Variants in SNAPC3 observed in about 807,000 individuals in gnomAD.
The protein encoded by SNAPC3 is small nuclear RNA activating complex polypeptide 3, also known as snRNA-activating protein complex subunit 3.
A neutral mutation model predicts 47.7 loss-of-function variants in SNAPC3; 56 were observed. The ratio of observed to expected loss-of-function variants is 1.18; its 90% CI spans 0.95 to 1.47. The LOEUF (loss-of-function observed/expected upper bound fraction) is 1.47, where lower values mean the gene tolerates loss of function less well. Among genes scored for constraint, SNAPC3 ranks in the 40% most tolerant of loss-of-function variants. The pLI is 0.00. For missense variants in SNAPC3, 665 were observed against 511.3 expected (o/e 1.30, Z -2.90); for synonymous variants, 235 against 189.9 (o/e 1.24, Z -1.95).
At position 15,433,533 on chromosome 9, in the gene SNAPC3, T is replaced by C; in HGVS notation, c.393-19T>C. 1 of 1,464,106 alleles carries C rather than the reference T, an allele frequency of 6.8e-7. No individual in the cohort carries two copies. The highest frequency in any genetic ancestry group is 1.2e-5 in the South Asian group (1 of 82,000). The allele number at this position is 1,464,106 out of a possible 1,614,324, so 90.7% of individuals were successfully genotyped here. A position where few individuals can be genotyped will look rare whatever the true frequency, so the allele number is the denominator to read the frequency against. ...AATGTTGAACTTTGATTTTTTTTTT[T>C]CTTTTACATCTACAACAGGGTTAGA... On this transcript the variant is annotated intron_variant, in intron 2 of 8. Transcript: ENST00000380821.
downstream of SNAPC3, chr9:15,465,242 A>G: frequency 5.4e-6 from 2 of 367,548 alleles, no homozygotes; most frequent in Non-Finnish European, 9.7e-6. Context: ...ACATACACAC[A>G]CTAATTGAAA....
At chr9:15,432,837 T>C (rs1167891357) in intron 2 of SNAPC3, among the ~76,000 whole-genome samples, 1 of 152,194 alleles carries the variant, frequency 6.6e-6, no homozygotes, top group Non-Finnish European at 1.5e-5. Flanking sequence ...GCAGACATAA[T>C]CTATCAGTGA....
intron 7 of SNAPC3, 78 bp downstream of exon 7, chr9:15,453,283 T>G (rs41268953): frequency 8.4e-7 from 1 of 1,189,868 alleles, no homozygotes; most frequent in Admixed American, 2.4e-5. Context: ...ATAGTTTTTT[T>G]AAAAATAAGA....
Position 15,428,381 on chromosome 9 carries a change from C to T in SNAPC3, c.392+4395C>T, listed in dbSNP as rs59521848. On this transcript the variant is annotated intron_variant, in intron 2 of 8. Transcript: ENST00000380821. ...AAGTCTAGCCGGTCGTGGTGGCGGG[C>T]GCCTGTAGTCCCAGCTACTTGGGAG... Among the ~76,000 whole-genome samples the T allele has an allele frequency of 6.7e-3, 1,010 of 151,660 alleles. 11 individuals are homozygous for T. Among genetic ancestry groups the T allele is most frequent in the African/African-American group, 0.023 (958 of 41,352 alleles).
At chr9:15,423,785 T>C in intron 1 of SNAPC3, 124 bp from the exon 2 acceptor site, 1 of 503,600 alleles carries the variant, frequency 2.0e-6, no homozygotes, top group South Asian at 4.0e-5. Flanking sequence ...CTGGCCTCTC[T>C]GAGCCGCCTG....
intron 5 of SNAPC3, among the ~76,000 whole-genome samples, chr9:15,449,256 A>G (rs2034179234): frequency 6.6e-6 from 1 of 152,086 alleles, no homozygotes; most frequent in Non-Finnish European, 1.5e-5. Context: ...CCATCTGAAC[A>G]TTGCTCAAAG....
chr9:15,453,421 A>T lies in SNAPC3; in HGVS notation c.980+216A>T, dbSNP rs184440853. 7 of 438,860 alleles carry T rather than the reference A, an allele frequency of 1.6e-5. No homozygotes were observed. In the East Asian group the frequency reaches 2.6e-4, roughly 16 times the overall value. The allele number at this position is 438,860 out of a possible 1,614,324, so 27.2% of individuals were successfully genotyped here. A position where few individuals can be genotyped will look rare whatever the true frequency, so the allele number is the denominator to read the frequency against. ...TGTTCATTATTTTGGAAAATCTTTA[A>T]GAAATACTTTACTATTAGACGGTTA... On this transcript the variant is annotated intron_variant, in intron 7 of 8. Transcript: ENST00000380821.
At chr9:15,429,452 C>G (rs144192642) in intron 2 of SNAPC3, among the ~76,000 whole-genome samples, 64 of 151,896 alleles carry the variant, frequency 4.2e-4, no homozygotes, top group Admixed American at 1.2e-3. Flanking sequence ...GGTATTGCAA[C>G]AAAGTACAGT....
Position 15,433,628 on chromosome 9 carries a change from T to C in SNAPC3, c.469T>C (p.Tyr157His), listed in dbSNP as rs1398243291. The change falls in exon 3 of 9, where the codon TAT becomes CAT. Residue 157 changes from tyrosine to histidine, a missense_variant. Transcript: ENST00000380821. ...AGCCTGCAGACAAGAAACATTCGTT[T>C]ATGAGATGGTAATTAAGAGTCTCAT... is the stretch of plus-strand genomic sequence containing the variant. ...DRACRQETFV[Y>H]EMESHAIGKK... 1 of 1,587,112 alleles carries C rather than the reference T, an allele frequency of 6.3e-7. No homozygotes were observed. The highest frequency in any genetic ancestry group is 8.6e-7 in the Non-Finnish European group (1 of 1,158,344).
At chr9:15,465,502 T>C, downstream of SNAPC3, 1 of 1,519,084 alleles carries the variant, frequency 6.6e-7, no homozygotes, top group Non-Finnish European at 9.0e-7. Flanking sequence ...GTGTTCTCTA[T>C]ATTCCAGGTA....
At chr9:15,455,922 T>C (rs528456247) in intron 7 of SNAPC3, among the ~76,000 whole-genome samples, 1 of 152,174 alleles carries the variant, frequency 6.6e-6, no homozygotes, top group Non-Finnish European at 1.5e-5. Context: ...TTGTCCCAGC[T>C]GGAGTGCAGT....
In SNAPC3 at chr9:15,431,419, C is replaced by G. The variant is rs143558559; in HGVS notation, c.393-2133C>G. ...CCTTTTACTGCTTCCTTGCCAATCCCTCATTATTCCAATCCTCTGTTAAAG... is the reference window on the plus strand; with the variant it reads ...CCTTTTACTGCTTCCTTGCCAATCCGTCATTATTCCAATCCTCTGTTAAAG... On this transcript the variant is annotated intron_variant, in intron 2 of 8. Coordinates refer to ENST00000380821, the MANE Select transcript of SNAPC3 (RefSeq NM_001039697.2). 3.3e-5 allele frequency among the ~76,000 whole-genome samples: 5 copies of G among 152,324 alleles called. No homozygotes were observed. In the East Asian group the frequency reaches 9.6e-4, roughly 29 times the overall value.
At chr9:15,455,680 G>T (rs973851059) in intron 7 of SNAPC3, among the ~76,000 whole-genome samples, 16 of 151,796 alleles carry the variant, frequency 1.1e-4, no homozygotes, top group Admixed American at 5.9e-4. Context: ...TCTCTCTGAT[G>T]GCCTTATTTT....
chr9:15,452,570 G>A (rs750393529), intron 6 of SNAPC3, among the ~76,000 whole-genome samples: 4 of 151,786 alleles, frequency 2.6e-5, no homozygotes, highest in Non-Finnish European at 5.9e-5. Flanking sequence ...CGCCCACCTC[G>A]GCCTCCCGAA....
Position 15,423,298 on chromosome 9 carries a change from A to C in SNAPC3, c.314+105A>C, listed in dbSNP as rs1563835914. 13 of 1,198,930 alleles carry C rather than the reference A, an allele frequency of 1.1e-5. No individual in the cohort carries two copies. In the Admixed American group the frequency reaches 1.9e-4, roughly 18 times the overall value. 74.3% of individuals were successfully genotyped at this position (1,198,930 alleles called of 1,614,324 possible). On this transcript the variant is annotated intron_variant, in intron 1 of 8. Transcript: ENST00000380821. ...TCCCTGAGAAGGGCCTGTGGTTTAG[A>C]CCTGGGCTAGGAGTATTACCCTTTA...
intron 2 of SNAPC3, among the ~76,000 whole-genome samples, chr9:15,427,303 T>TA (rs2031538639): frequency 6.6e-6 from 1 of 152,232 alleles, no homozygotes; most frequent in Non-Finnish European, 1.5e-5. Flanking sequence ...TGCTAAAACT[T>TA]ACTTGTCATT....
chr9:15,447,372 A>G (rs1395893963), intron 5 of SNAPC3, 128 bp downstream of exon 5: 2 of 782,876 alleles, frequency 2.6e-6, no homozygotes, highest in East Asian at 2.4e-5. Flanking sequence ...AAACTACACT[A>G]TCTCATTCCT....
chr9:15,441,197 T>TC (rs1554648988), intron 3 of SNAPC3, among the ~76,000 whole-genome samples: 1 of 150,914 alleles, frequency 6.6e-6, no homozygotes, highest in Non-Finnish European at 1.5e-5. Context: ...CTTTTTTTTT[T>TC]ATTTAACGTT....
chr9:15,434,396 C>T (rs966175273), intron 3 of SNAPC3, among the ~76,000 whole-genome samples: 1 of 149,054 alleles, frequency 6.7e-6, no homozygotes, highest in African/African-American at 2.5e-5. Flanking sequence ...CTTTTTTGTC[C>T]TTTTCTGTAT....
Sources: allele counts gnomAD v4.1 joint callset (sites outside exome capture counted in the v4.1 genomes callset), GRCh38; gene constraint gnomAD v4.1.1; transcripts MANE v1.5; gene names NCBI Gene and HGNC (gene_info 2026-07-23, HGNC 2026-07-21).